The following RIC1 variants were observed in gnomAD, a reference collection of about 807,000 sequenced individuals.
RIC1 encodes RIC1 partner of RAB6A GEF complex.
Under a neutral mutation model 169.0 loss-of-function variants are expected in RIC1, and 88 were observed. The ratio of observed to expected loss-of-function variants is 0.52; its 90% confidence interval spans 0.44 to 0.62. The LOEUF is 0.62. Ranked by LOEUF, RIC1 falls within the 20% of genes least tolerant of loss-of-function variation. The probability of loss-of-function intolerance (pLI) is 0.00; values close to 1 mark genes in which losing one functional copy is unlikely to be tolerated. For missense variants in RIC1, 1,877 were observed against 1,725.5 expected (o/e 1.09, Z -1.56); for synonymous variants, 790 against 601.5 (o/e 1.31, Z -4.59).
At position 5,687,273 on chromosome 9, in the gene RIC1, A is replaced by G. The variant is rs140300692; in HGVS notation, c.253-2686A>G. On this transcript the variant is annotated intron_variant, in intron 2 of 25. Transcript: ENST00000414202. ...TTTAGTGATCTTCTAAAACAATAAC[A>G]AAAGAACCCCAGATTTTTATTCATT... 1.0e-3 allele frequency among the ~76,000 whole-genome samples: 156 copies of G among 152,282 alleles called. No homozygotes were observed. The Middle Eastern group carries it at 0.014, about 13-fold the overall frequency.
intron 7 of RIC1, among the ~76,000 whole-genome samples, chr9:5,737,145 A>G (rs746532664): frequency 6.6e-6 from 1 of 152,190 alleles, no homozygotes; most frequent in Non-Finnish European, 1.5e-5. Flanking sequence ...CAAATGCTGA[A>G]TGTGCATTAA....
At position 5,724,081 on chromosome 9, in the gene RIC1, T is replaced by A. The variant is rs550487827; in HGVS notation, c.720+3331T>A. 2.6e-3 allele frequency among the ~76,000 whole-genome samples: 395 copies of A among 152,290 alleles called. 2 individuals carry two copies. Among genetic ancestry groups the A allele is most frequent in the Middle Eastern group, 3.4e-3 (1 of 294 alleles). ...CCATATGAACTTTAAAGTAGTTTTT[T>A]CCAACTCTGTGAAGAAAGTCATTGG... On this transcript the variant is annotated intron_variant, in intron 6 of 25. Coordinates refer to ENST00000414202, the MANE Select transcript of RIC1 (RefSeq NM_020829.4).
intron 1 of RIC1, among the ~76,000 whole-genome samples, chr9:5,648,343 T>C (rs1818635182): frequency 6.6e-6 from 1 of 152,294 alleles, no homozygotes; most frequent in Non-Finnish European, 1.5e-5. Flanking sequence ...CTTCTATTCA[T>C]AGTTTTTTGA....
intron 6 of RIC1, among the ~76,000 whole-genome samples, chr9:5,723,607 G>C (rs997451355): frequency 6.6e-6 from 1 of 152,114 alleles, no homozygotes; most frequent in Non-Finnish European, 1.5e-5. Context: ...CATTGCTTTT[G>C]GTGTTTTAGT....
intron 6 of RIC1, among the ~76,000 whole-genome samples, chr9:5,730,418 G>C (rs1012437245): frequency 6.6e-6 from 1 of 152,154 alleles, no homozygotes; most frequent in Non-Finnish European, 1.5e-5. Flanking sequence ...AACACAGATA[G>C]ATCTTACAGA....
At chr9:5,714,034 G>A (rs189558397) in intron 4 of RIC1, 31 bp downstream of exon 4, 1 of 1,388,686 alleles carries the variant, frequency 7.2e-7, no homozygotes, top group South Asian at 1.2e-5. Context: ...TTGACATTGT[G>A]TGATGACAGT....
chr9:5,776,242 A>T lies in RIC1; in HGVS notation c.*1996A>T, dbSNP rs1180719144. The T allele has an allele frequency of 6.6e-6, 1 of 152,170 alleles. No homozygotes were observed. Among genetic ancestry groups the T allele is most frequent in the East Asian group, 1.9e-4 (1 of 5,200 alleles). 9.4% of individuals were successfully genotyped at this position (152,170 alleles called of 1,614,324 possible). ...AATAGAGATAGGAGGCCCCCAGGCAAGAAGTTTGGCAGGTTTACAGAAAAT... is the reference window on the plus strand; with the variant it reads ...AATAGAGATAGGAGGCCCCCAGGCATGAAGTTTGGCAGGTTTACAGAAAAT... On this transcript the variant is annotated 3_prime_UTR_variant, in exon 26 of 26. Transcript: ENST00000414202.
In RIC1 at chr9:5,637,085, G is replaced by T. The variant is rs1818006584; in HGVS notation, c.144+7632G>T. ...TTTGTTTGTTTGTTTTTGAGACAGG[G>T]TTTCACTTCAGTTGCCCAGGTTGGA... On this transcript the variant is annotated intron_variant, in intron 1 of 25. Transcript: ENST00000414202. Among the ~76,000 whole-genome samples the T allele has an allele frequency of 3.3e-5, 5 of 152,140 alleles. No individual in the cohort carries two copies. In the South Asian group the frequency reaches 1.0e-3, roughly 31 times the overall value.
intron 4 of RIC1, among the ~76,000 whole-genome samples, chr9:5,715,959 C>G (rs899210577): frequency 6.6e-6 from 1 of 152,072 alleles, no homozygotes; most frequent in Non-Finnish European, 1.5e-5. Context: ...GTGATCTCAC[C>G]TCAGCCTATC....
intron 10 of RIC1, among the ~76,000 whole-genome samples, chr9:5,744,102 G>A (rs1198249699): frequency 1.3e-5 from 2 of 151,852 alleles, no homozygotes; most frequent in Non-Finnish European, 2.9e-5. Flanking sequence ...GTTCTTGCTT[G>A]ATGAAAGTCT....
At chr9:5,700,296 G>A (rs1181158291) in intron 3 of RIC1, among the ~76,000 whole-genome samples, 1 of 151,946 alleles carries the variant, frequency 6.6e-6, no homozygotes, top group African/African-American at 2.4e-5. Context: ...GGATTATAAT[G>A]GGATTAATCC....
intron 2 of RIC1, among the ~76,000 whole-genome samples, chr9:5,684,409 A>G (rs766454271): frequency 3.2e-4 from 48 of 150,778 alleles, no homozygotes; most frequent in Admixed American, 5.3e-4. Context: ...TATAAACAAG[A>G]TGTATTTCTC....
At chr9:5,768,663 T>C (rs986381554) in intron 21 of RIC1, among the ~76,000 whole-genome samples, 3 of 152,204 alleles carry the variant, frequency 2.0e-5, no homozygotes, top group Non-Finnish European at 4.4e-5. Flanking sequence ...TTTTCAAATA[T>C]AGCATAGAGG....
At position 5,642,096 on chromosome 9, in the gene RIC1, AC is replaced by A. The variant is rs571742190; in HGVS notation, c.144+12644del. 1.9e-3 allele frequency among the ~76,000 whole-genome samples: 269 copies of A among 144,820 alleles called. 25 individuals carry two copies. The highest frequency in any genetic ancestry group is 6.9e-3 in the Middle Eastern group (2 of 290). On this transcript the variant is annotated intron_variant, in intron 1 of 25. Transcript: ENST00000414202. ...GAAGTCTTTCCAGTTATTCGAAGGGACTTGGGCCCCAAGCCCAATAATGCTG... is the reference window on the plus strand; with the variant it reads ...GAAGTCTTTCCAGTTATTCGAAGGGATTGGGCCCCAAGCCCAATAATGCTG...
rs948724356 is a variant in RIC1 at position 5,776,420 on chromosome 9, AAATT to A, written c.*2176_*2179del. 2.0e-5 allele frequency: 3 copies of A among 152,114 alleles called. No individual in the cohort carries two copies. The highest frequency in any genetic ancestry group is 7.2e-5 in the African/African-American group (3 of 41,446). The allele number at this position is 152,114 out of a possible 1,614,324, so 9.4% of individuals were successfully genotyped here. A position where few individuals can be genotyped will look rare whatever the true frequency, so the allele number is the denominator to read the frequency against. ...AGGTTTACTAGATGCATTTATTAAT[AAATT>A]ATTTGCTGAAACCAAAACAAGTCAT... is the stretch of plus-strand genomic sequence containing the variant. On this transcript the variant is annotated 3_prime_UTR_variant, in exon 26 of 26. Transcript: ENST00000414202.
chr9:5,778,177 C>G (rs1827683665), downstream of RIC1, among the ~76,000 whole-genome samples: 1 of 152,060 alleles, frequency 6.6e-6, no homozygotes, highest in Admixed American at 6.6e-5. Context: ...AGATTTATTT[C>G]TAAGTATTGC....
intron 6 of RIC1, among the ~76,000 whole-genome samples, chr9:5,721,429 C>T (rs1437286466): frequency 6.6e-6 from 1 of 152,152 alleles, no homozygotes; most frequent in Non-Finnish European, 1.5e-5. Context: ...GATTGATTAC[C>T]AAACCCCAGC....
intron 3 of RIC1, among the ~76,000 whole-genome samples, chr9:5,702,839 A>G (rs941821925): frequency 3.9e-5 from 6 of 152,134 alleles, no homozygotes; most frequent in African/African-American, 1.2e-4. Context: ...GAGCCACTGC[A>G]TGCAACTGAG....
At position 5,687,927 on chromosome 9, in the gene RIC1, T is replaced by C. The variant is rs60435884; in HGVS notation, c.253-2032T>C. On this transcript the variant is annotated intron_variant, in intron 2 of 25. Transcript: ENST00000414202. Reference sequence around the variant, plus strand: ...GTTTTATTTTGGGTTTTTTTGTGTGTGTGTGTGTTTCATTATGGATAATTT... The same window carrying C: ...GTTTTATTTTGGGTTTTTTTGTGTGCGTGTGTGTTTCATTATGGATAATTT... 5.0e-3 allele frequency among the ~76,000 whole-genome samples: 764 copies of C among 152,290 alleles called. 8 individuals are homozygous for C. The highest frequency in any genetic ancestry group is 0.017 in the African/African-American group (722 of 41,554).
Sources: gnomAD v4.1 joint callset for allele counts (sites outside exome capture counted in the v4.1 genomes callset) on GRCh38, gnomAD v4.1.1 for gene constraint, MANE v1.5 for transcripts, NCBI Gene and HGNC (gene_info 2026-07-23, HGNC 2026-07-21) for gene names.